The following MTMR7 variants were observed in gnomAD, a reference collection of about 807,000 sequenced individuals.
The protein encoded by MTMR7 is phosphatidylinositol-3-phosphate phosphatase MTMR7.
In MTMR7, 76 loss-of-function variants were observed where a neutral mutation model predicts 81.2. That is an observed-to-expected ratio of 0.94 (90% CI 0.78 to 1.13). The LOEUF (loss-of-function observed/expected upper bound fraction) is 1.13, where lower values mean the gene tolerates loss of function less well. MTMR7 is among the 50% of genes most tolerant of loss of function. The pLI, the probability that MTMR7 is intolerant of heterozygous loss-of-function variation, is 0.00. For synonymous variants in MTMR7, 372 were observed against 289.8 expected, an observed-to-expected ratio of 1.28 and a Z score of -2.88; for missense variants, 1,044 against 820.0, an observed-to-expected ratio of 1.27 and a Z score of -3.34.
Position 17,296,846 on chromosome 8 carries a change from T to C in MTMR7, c.*3016A>G, listed in dbSNP as rs962454584. The C allele has an allele frequency of 6.6e-6, 1 of 152,190 alleles. No individual in the cohort carries two copies. Among genetic ancestry groups the C allele is most frequent in the Non-Finnish European group, 1.5e-5 (1 of 68,020 alleles). The allele number at this position is 152,190 out of a possible 1,614,324, so 9.4% of individuals were successfully genotyped here. A position where few individuals can be genotyped will look rare whatever the true frequency, so the allele number is the denominator to read the frequency against. ...TAAAGTTGAACTATCCCAGTTTCAT[T>C]CTATACCATTCATTGGATAACCTTG... On this transcript the variant is annotated 3_prime_UTR_variant, in exon 14 of 14. Coordinates refer to ENST00000180173, the MANE Select transcript of MTMR7 (RefSeq NM_004686.5).
chr8:17,381,059 T>C (rs1012867261), intron 1 of MTMR7, among the ~76,000 whole-genome samples: 1 of 152,138 alleles, frequency 6.6e-6, no homozygotes, highest in African/African-American at 2.4e-5. Context: ...TGTGGCACTG[T>C]GTCAGGTTCC....
intron 4 of MTMR7, among the ~76,000 whole-genome samples, chr8:17,350,743 C>T (rs1318598574): frequency 1.3e-5 from 2 of 152,164 alleles, no homozygotes; most frequent in African/African-American, 4.8e-5. Flanking sequence ...ATGATGCCTC[C>T]CTTGCTGACC....
rs1160582724 is a variant in MTMR7, at chr8:17,398,776, T to C, written c.24+14493A>G. Among the ~76,000 whole-genome samples, 4 of 152,234 alleles carry C rather than the reference T, an allele frequency of 2.6e-5. No individual in the cohort carries two copies. In the East Asian group the frequency reaches 7.8e-4, roughly 30 times the overall value. ...GTAACTACAACTTTTCAAGGCATAGTACAATAAGACATCAAGAGATGCAAC... is the reference window on the plus strand; with the variant it reads ...GTAACTACAACTTTTCAAGGCATAGCACAATAAGACATCAAGAGATGCAAC... On this transcript the variant is annotated intron_variant, in intron 1 of 13. Transcript: ENST00000180173.
intron 4 of MTMR7, among the ~76,000 whole-genome samples, chr8:17,359,203 G>A (rs1819987590): frequency 1.3e-5 from 2 of 152,052 alleles, no homozygotes; most frequent in East Asian, 1.9e-4. Context: ...TGGCTTAAAT[G>A]CGTATTAATA....
At chr8:17,364,454 C>G (rs1178861114) in intron 3 of MTMR7, among the ~76,000 whole-genome samples, 1 of 152,176 alleles carries the variant, frequency 6.6e-6, no homozygotes. Flanking sequence ...TTACTCTTAG[C>G]GTTTCGAAAT....
chr8:17,409,033 T>C (rs1333290748), intron 1 of MTMR7, among the ~76,000 whole-genome samples: 1 of 152,226 alleles, frequency 6.6e-6, no homozygotes, highest in African/African-American at 2.4e-5. Context: ...ATATCTCACA[T>C]ATTATGTCAG....
At chr8:17,316,094 A>G (rs1053236255) in intron 7 of MTMR7, among the ~76,000 whole-genome samples, 3 of 152,206 alleles carry the variant, frequency 2.0e-5, no homozygotes, top group Non-Finnish European at 4.4e-5. Context: ...TAATATTCCC[A>G]AGAACTTTTT....
rs1376119377 is a variant in MTMR7 at position 17,408,110 on chromosome 8, G to GACTT, written c.24+5158_24+5159insAAGT. The stretch of plus-strand genomic sequence containing the variant: ...CAATCAGCAAGAACATCATGGAGAG[G>GACTT]CCGGGCGCGGTGGCTCACGCCTGTA... On this transcript the variant is annotated intron_variant, in intron 1 of 13. Coordinates refer to ENST00000180173, the MANE Select transcript of MTMR7 (RefSeq NM_004686.5). Among the ~76,000 whole-genome samples the GACTT allele has an allele frequency of 4.3e-3, 269 of 62,506 alleles. 15 individuals are homozygous for GACTT. The highest frequency in any genetic ancestry group is 0.011 in the South Asian group (14 of 1,288). 41.0% of individuals were successfully genotyped at this position (62,506 alleles called of 152,430 possible). A position where few individuals can be genotyped will look rare whatever the true frequency, so the allele number is the denominator to read the frequency against.
At chr8:17,370,553 CAAAAAAAAAAAA>C (rs5889712) in intron 3 of MTMR7, among the ~76,000 whole-genome samples, 37 of 30,856 alleles carry the variant, frequency 1.2e-3, no homozygotes, top group Non-Finnish European at 2.0e-3. Context: ...AAAAGTGCCT[CAAAAAAAAAAAA>C]AAAAAAAAAA....
chr8:17,405,871 CACACACA>C (rs1563383951), intron 1 of MTMR7, among the ~76,000 whole-genome samples: 9 of 109,374 alleles, frequency 8.2e-5, no homozygotes, highest in African/African-American at 2.6e-4. Flanking sequence ...CACACACACA[CACACACA>C]CCACAGAGAA....
At chr8:17,377,839 A>C (rs1289773572) in intron 1 of MTMR7, among the ~76,000 whole-genome samples, 1 of 152,146 alleles carries the variant, frequency 6.6e-6, no homozygotes, top group Admixed American at 6.5e-5. Context: ...TATTTTACTT[A>C]AACTTTTGTC....
intron 1 of MTMR7, among the ~76,000 whole-genome samples, chr8:17,386,207 C>T (rs1468488824): frequency 5.9e-5 from 9 of 152,046 alleles, no homozygotes; most frequent in Admixed American, 2.6e-4. Context: ...GAGACCCTGT[C>T]TCTACCAAAA....
intron 6 of MTMR7, among the ~76,000 whole-genome samples, chr8:17,335,869 C>T (rs1028589997): frequency 2.0e-5 from 3 of 152,190 alleles, no homozygotes; most frequent in Non-Finnish European, 4.4e-5. Context: ...GTATGTGACG[C>T]AAAATTAGCT....
intron 10 of MTMR7, among the ~76,000 whole-genome samples, chr8:17,307,715 G>A (rs1189119824): frequency 2.0e-5 from 3 of 152,170 alleles, no homozygotes; most frequent in Non-Finnish European, 4.4e-5. Flanking sequence ...CATAAAAAAT[G>A]ATGAGTTCAT....
chr8:17,382,802 T>TA lies in MTMR7; in HGVS notation c.25-9563dup. Reference sequence around the variant, plus strand: ...GTTCTTCCACTGTGAGTAGAAATGTTATATGAGCCACAAAATGTGCAGGTG... The same window carrying TA: ...GTTCTTCCACTGTGAGTAGAAATGTTAATATGAGCCACAAAATGTGCAGGTG... On this transcript the variant is annotated intron_variant, in intron 1 of 13. Coordinates refer to ENST00000180173, the MANE Select transcript of MTMR7 (RefSeq NM_004686.5). Among the ~76,000 whole-genome samples, 3 of 152,248 alleles carry TA rather than the reference T, an allele frequency of 2.0e-5. No individual in the cohort carries two copies. The Middle Eastern group carries it at 0.01, about 518-fold the overall frequency.
At chr8:17,306,058 T>G (rs1292241004) in intron 10 of MTMR7, 101 bp from the exon 11 acceptor site, 2 of 894,016 alleles carry the variant, frequency 2.2e-6, no homozygotes, top group East Asian at 5.2e-5. Flanking sequence ...AGTTCCTAAA[T>G]AAATCTTATC....
chr8:17,316,010 T>C (rs1327618695), intron 7 of MTMR7, among the ~76,000 whole-genome samples: 1 of 152,194 alleles, frequency 6.6e-6, no homozygotes, highest in Non-Finnish European at 1.5e-5. Flanking sequence ...AGCCAGATCC[T>C]ATCTCTAAAA....
intron 7 of MTMR7, among the ~76,000 whole-genome samples, chr8:17,327,489 C>T (rs1818745258): frequency 6.6e-6 from 1 of 152,024 alleles, no homozygotes; most frequent in Non-Finnish European, 1.5e-5. Context: ...CTGTGTTGCC[C>T]AGGCTGGTCT....
At chr8:17,368,585 T>C (rs1406712855) in intron 3 of MTMR7, among the ~76,000 whole-genome samples, 1 of 152,156 alleles carries the variant, frequency 6.6e-6, no homozygotes, top group Admixed American at 6.5e-5. Context: ...GGCAACTGTT[T>C]CATGTCTAAC....
Sources: allele counts gnomAD v4.1 joint callset (sites outside exome capture counted in the v4.1 genomes callset), GRCh38; gene constraint gnomAD v4.1.1; transcripts MANE v1.5; gene names NCBI Gene and HGNC (gene_info 2026-07-23, HGNC 2026-07-21).